The following HSD3B2 variants were observed in gnomAD, a reference collection of about 807,000 sequenced individuals.
HSD3B2 encodes the protein hydroxy-delta-5-steroid dehydrogenase, 3 beta- and steroid delta-isomerase 2.
In HSD3B2, 8 loss-of-function variants were observed where a neutral mutation model predicts 9.9. The observed-to-expected ratio is 0.81, with a 90% CI of 0.47 to 1.46. The LOEUF is 1.46. HSD3B2 is among the 40% of genes most tolerant of loss of function. The pLI, the probability that HSD3B2 is intolerant of heterozygous loss-of-function variation, is 0.00. For synonymous variants in HSD3B2, 221 were observed against 184.5 expected, an observed-to-expected ratio of 1.20 and a Z score of -1.60; for missense variants, 410 against 448.3, an observed-to-expected ratio of 0.91 and a Z score of 0.77.
Position 119,422,423 on chromosome 1 carries a change from T to G in HSD3B2, c.922T>G (p.Tyr308Asp). ...AGTGAGCTTCCTACTCAGCCCAATT[T>G]ACTCCTATCAACCCCCCTTCAACCG... ...EVVSFLLSPI[Y>D]SYQPPFNRHT... Residue 308 changes from tyrosine to aspartate, a missense_variant, in exon 4 of 4, where the codon TAC (tyrosine) becomes GAC (aspartate). Physicochemically the swap from Tyr to Asp is radical, Grantham distance 160. Transcript: ENST00000369416. 6.2e-7 allele frequency: 1 copy of G among 1,614,136 alleles called. No homozygotes were observed. Among genetic ancestry groups the G allele is most frequent in the Non-Finnish European group, 8.5e-7 (1 of 1,179,992 alleles).
chr1:119,422,772 C>A lies in HSD3B2; in HGVS notation c.*152C>A. 2.2e-6 allele frequency: 2 copies of A among 909,688 alleles called. No individual in the cohort carries two copies. Among genetic ancestry groups the A allele is most frequent in the Non-Finnish European group, 3.5e-6 (2 of 576,012 alleles). The allele number at this position is 909,688 out of a possible 1,614,324, so 56.4% of individuals were successfully genotyped here. On this transcript the variant is annotated 3_prime_UTR_variant, in exon 4 of 4. Transcript: ENST00000369416. ...GCCCAACTTACTGTCTTCTTCATGT[C>A]ATCAAAATCTGCACAGTCACTGGCC...
chr1:119,417,860 G>A (rs1232470411), intron 2 of HSD3B2, among the ~76,000 whole-genome samples: 1 of 152,190 alleles, frequency 6.6e-6, no homozygotes, highest in Non-Finnish European at 1.5e-5. Flanking sequence ...CAGGTGGAAT[G>A]GGCAGGTTTG....
chr1:119,421,981 T>G lies in HSD3B2; in HGVS notation c.480T>G (p.Leu160=), dbSNP rs970211090. Residue 160 remains leucine, a synonymous_variant, in exon 4 of 4, where the codon CTT becomes CTG. Transcript: ENST00000369416. ...WPTPYPYSKK[L]AEKAVLAANG... is the part of the protein sequence containing the mutation. The stretch of plus-strand genomic sequence containing the variant: ...CTCCATACCCGTACAGCAAAAAGCT[T>G]GCTGAGAAGGCTGTGCTGGCGGCTA... 9.9e-6 allele frequency: 16 copies of G among 1,613,960 alleles called. No individual in the cohort carries two copies. Among genetic ancestry groups the G allele is most frequent in the African/African-American group, 1.3e-5 (1 of 74,892 alleles).
intron 2 of HSD3B2, among the ~76,000 whole-genome samples, chr1:119,416,516 C>A (rs1389467980): frequency 6.6e-6 from 1 of 152,132 alleles, no homozygotes; most frequent in Non-Finnish European, 1.5e-5. Flanking sequence ...GAGCTCAGAC[C>A]AGAGCTTCAT....
intron 2 of HSD3B2, among the ~76,000 whole-genome samples, chr1:119,418,797 A>T (rs1218537159): frequency 6.6e-6 from 1 of 151,866 alleles, no homozygotes; most frequent in East Asian, 1.9e-4. Flanking sequence ...GACTATAGGC[A>T]CATACCATCA....
chr1:119,417,835 A>G (rs1448666158), intron 2 of HSD3B2, among the ~76,000 whole-genome samples: 2 of 152,192 alleles, frequency 1.3e-5, no homozygotes, highest in Admixed American at 1.3e-4. Context: ...CCTGGGGTAC[A>G]GGGTACAAAA....
Position 119,415,571 on chromosome 1 carries a change from C to T in HSD3B2, c.142+10C>T, listed in dbSNP as rs779624324. The T allele has an allele frequency of 1.2e-6, 2 of 1,613,568 alleles. No homozygotes were observed. Among genetic ancestry groups the T allele is most frequent in the Non-Finnish European group, 1.7e-6 (2 of 1,179,628 alleles). ...AGAGAGGAATTTTCTAGTAAGTAAA[C>T]TTGAGTCATGGGTCTGTGGCTCCAT... On this transcript the variant is annotated intron_variant, in intron 2 of 3. Coordinates refer to ENST00000369416, the MANE Select transcript of HSD3B2 (RefSeq NM_000198.4).
In HSD3B2 at chr1:119,422,062, A is replaced by C; in HGVS notation, c.561A>C (p.Thr187=). ...DTLYTCALRP[T]YIYGEGGPFL... ...TGTACACTTGTGCGTTAAGACCCACATATATCTATGGGGAAGGAGGCCCAT... is the reference window on the plus strand; with the variant it reads ...TGTACACTTGTGCGTTAAGACCCACCTATATCTATGGGGAAGGAGGCCCAT... Residue 187 remains threonine (T), a synonymous_variant, in exon 4 of 4, where the codon ACA becomes ACC. Coordinates refer to ENST00000369416, the MANE Select transcript of HSD3B2 (RefSeq NM_000198.4). The C allele has an allele frequency of 1.9e-6, 3 of 1,614,144 alleles. No individual in the cohort carries two copies. Among genetic ancestry groups the C allele is most frequent in the Non-Finnish European group, 8.5e-7 (1 of 1,179,996 alleles).
Position 119,422,679 on chromosome 1 carries a change from C to A in HSD3B2, c.*59C>A. 1 of 1,595,172 alleles carries A rather than the reference C, an allele frequency of 6.3e-7. No individual in the cohort carries two copies. The highest frequency in any genetic ancestry group is 8.6e-7 in the Non-Finnish European group (1 of 1,169,416). On this transcript the variant is annotated 3_prime_UTR_variant, in exon 4 of 4. Transcript: ENST00000369416. Reference sequence around the variant, plus strand: ...GTTAGGAAATGTCATCAAACTCCACCCACCTGGCTTCATACAGAAGGCAAC... The same window carrying A: ...GTTAGGAAATGTCATCAAACTCCACACACCTGGCTTCATACAGAAGGCAAC...
intron 2 of HSD3B2, among the ~76,000 whole-genome samples, chr1:119,418,946 C>T (rs1165824783): frequency 6.6e-6 from 1 of 152,054 alleles, no homozygotes; most frequent in Non-Finnish European, 1.5e-5. Flanking sequence ...CCACTGCACC[C>T]GGCCTGTTTC....
intron 2 of HSD3B2, among the ~76,000 whole-genome samples, chr1:119,418,962 T>C (rs935695649): frequency 5.3e-5 from 8 of 152,180 alleles, no homozygotes; most frequent in African/African-American, 1.9e-4. Context: ...GTTTCTCTAC[T>C]TATTCCAACA....
intron 2 of HSD3B2, among the ~76,000 whole-genome samples, chr1:119,416,206 A>G (rs1300071258): frequency 6.6e-6 from 1 of 152,164 alleles, no homozygotes; most frequent in East Asian, 1.9e-4. Context: ...TGAGAGAGAG[A>G]GAAAGAGAGA....
At chr1:119,421,345 C>G (rs1052359475) in intron 3 of HSD3B2, among the ~76,000 whole-genome samples, 2 of 143,792 alleles carry the variant, frequency 1.4e-5, no homozygotes, top group African/African-American at 2.6e-5. Context: ...AAGTGATTAC[C>G]CTAGGTCCTT....
rs780947714 is a variant in HSD3B2, at chr1:119,419,420, C to A, written c.145C>A (p.Leu49Ile). The A allele has an allele frequency of 6.8e-6, 11 of 1,613,722 alleles. No homozygotes were observed. The highest frequency in any genetic ancestry group is 8.5e-6 in the Non-Finnish European group (10 of 1,179,750). Residue 49 changes from leucine to isoleucine, a missense_variant and splice_region_variant, in exon 3 of 4, where the codon CTC becomes ATC. Leu to Ile is a conservative substitution (Grantham distance 5, BLOSUM62 2). Coordinates refer to ENST00000369416, the MANE Select transcript of HSD3B2 (RefSeq NM_000198.4). The part of the protein sequence containing the change: ...RPELREEFSK[L>I]QNRTKLTVLE... ...TGACCTGACCTGTGTTCACACAGAG[C>A]TCCAGAACAGGACCAAGCTGACTGT...
intron 2 of HSD3B2, among the ~76,000 whole-genome samples, chr1:119,418,370 C>T (rs1651764979): frequency 6.6e-6 from 1 of 152,118 alleles, no homozygotes; most frequent in Non-Finnish European, 1.5e-5. Context: ...TCTCCTTTTC[C>T]TCTCATCCCA....
In HSD3B2 at chr1:119,419,555, G is replaced by C. The variant is rs6211; in HGVS notation, c.280G>C (p.Glu94Gln). Residue 94 changes from glutamate (E) to glutamine (Q), a missense_variant, in exon 3 of 4, where the codon GAG becomes CAG. Coordinates refer to ENST00000369416, the MANE Select transcript of HSD3B2 (RefSeq NM_000198.4). ...TGATGTCTTTGGTGTCACTCACAGA[G>C]AGTCCATCATGAATGTCAATGTGAA... is the stretch of plus-strand genomic sequence containing the variant. ...IIDVFGVTHR[E>Q]SIMNVNVKGT... 1.6e-4 allele frequency: 262 copies of C among 1,613,914 alleles called. No individual in the cohort carries two copies. In the Middle Eastern group the frequency reaches 2.8e-3, roughly 17 times the overall value.
rs1456856541 is a variant in HSD3B2, at chr1:119,422,356, T to TC, written c.857dup (p.Leu287PhefsTer38). On this transcript the variant is annotated frameshift_variant, in exon 4 of 4. Coordinates refer to ENST00000369416, the MANE Select transcript of HSD3B2 (RefSeq NM_000198.4). LOFTEE classifies it low-confidence loss of function (END_TRUNC). ...TCCGCCTTGATTCCAGATGGAGCCT[T>TC]CCTTTAACCCTGATGTACTGGATTG... 6.2e-7 allele frequency: 1 copy of TC among 1,614,024 alleles called. No individual in the cohort carries two copies. The highest frequency in any genetic ancestry group is 8.5e-7 in the Non-Finnish European group (1 of 1,180,006).
chr1:119,418,617 TTTATTATTATTACTATTATTATTA>T (rs1325304992), intron 2 of HSD3B2, among the ~76,000 whole-genome samples: 210 of 114,950 alleles, frequency 1.8e-3, no homozygotes, highest in African/African-American at 6.7e-3. Flanking sequence ...CTGTTTATCT[TTTATTATTATTACTATTATTATTA>T]TTATTATTAT....
At position 119,422,383 on chromosome 1, in the gene HSD3B2, C is replaced by A. The variant is rs1234986122; in HGVS notation, c.882C>A (p.Gly294=). ...SLPLTLMYWI[G]FLLEVVSFLL... Reference sequence around the variant, plus strand: ...CTTTAACCCTGATGTACTGGATTGGCTTCCTGCTGGAAGTAGTGAGCTTCC... The same window carrying A: ...CTTTAACCCTGATGTACTGGATTGGATTCCTGCTGGAAGTAGTGAGCTTCC... Residue 294 remains glycine (G), a synonymous_variant, in exon 4 of 4, where the codon GGC becomes GGA. Coordinates refer to ENST00000369416, the MANE Select transcript of HSD3B2 (RefSeq NM_000198.4). The A allele has an allele frequency of 1.2e-6, 2 of 1,614,146 alleles. No individual in the cohort carries two copies. Among genetic ancestry groups the A allele is most frequent in the Non-Finnish European group, 1.7e-6 (2 of 1,180,000 alleles).
Sources: allele counts gnomAD v4.1 joint callset (sites outside exome capture counted in the v4.1 genomes callset), GRCh38; gene constraint gnomAD v4.1.1; transcripts MANE v1.5; gene names NCBI Gene and HGNC (gene_info 2026-07-23, HGNC 2026-07-21).